Variants in SLC9C1 observed in about 807,000 individuals in gnomAD.
The protein encoded by SLC9C1 is solute carrier family 9 member C1.
In SLC9C1, 97 loss-of-function variants were observed where a neutral mutation model predicts 140.9. The observed-to-expected ratio is 0.69, with a 90% CI of 0.58 to 0.82. The LOEUF (loss-of-function observed/expected upper bound fraction) is 0.82. Among genes scored for constraint, SLC9C1 ranks in the 40% least tolerant of loss-of-function variants. SLC9C1 has a pLI of 0.00. For missense variants in SLC9C1, 1,340 were observed against 1,389.3 expected (o/e 0.96, Z 0.56); for synonymous variants, 440 against 442.6 (o/e 0.99, Z 0.07).
intron 16 of SLC9C1, among the ~76,000 whole-genome samples, chr3:112,206,237 T>G (rs944509789): frequency 6.6e-6 from 1 of 151,672 alleles, no homozygotes; most frequent in African/African-American, 2.4e-5. Context: ...AGCCAATAGA[T>G]GCATGAAAAA....
At chr3:112,161,078 G>C (rs1433960524) in intron 26 of SLC9C1, among the ~76,000 whole-genome samples, 1 of 151,690 alleles carries the variant, frequency 6.6e-6, no homozygotes, top group Non-Finnish European at 1.5e-5. Flanking sequence ...CTTTTGAGAA[G>C]TGTCTGTTCA....
intron 25 of SLC9C1, 57 bp from the exon 26 acceptor site, chr3:112,167,404 T>G: frequency 1.3e-6 from 2 of 1,503,342 alleles, no homozygotes; most frequent in Non-Finnish European, 1.8e-6. Context: ...AATTAAAAAT[T>G]TACCTAGTAA....
chr3:112,190,438 G>A (rs956068005), intron 20 of SLC9C1, among the ~76,000 whole-genome samples: 2 of 152,228 alleles, frequency 1.3e-5, no homozygotes, highest in South Asian at 2.1e-4. Context: ...AGAGTTTTTA[G>A]CATGAATGGC....
At chr3:112,238,886 T>A (rs1401439093) in intron 12 of SLC9C1, among the ~76,000 whole-genome samples, 3 of 152,278 alleles carry the variant, frequency 2.0e-5, no homozygotes, top group African/African-American at 7.2e-5. Context: ...TGCCTCCCGG[T>A]TAGGCTATTC....
At chr3:112,189,625 G>C (rs916648992) in intron 20 of SLC9C1, among the ~76,000 whole-genome samples, 2 of 152,136 alleles carry the variant, frequency 1.3e-5, no homozygotes, top group Non-Finnish European at 2.9e-5. Context: ...ATACTGTTTT[G>C]GTTACTGTAG....
intron 3 of SLC9C1, 74 bp downstream of exon 3, chr3:112,280,609 A>G: frequency 2.2e-6 from 3 of 1,363,092 alleles, no homozygotes; most frequent in Non-Finnish European, 3.0e-6. Context: ...TAACTTTTGC[A>G]AATTTTAAAT....
intron 23 of SLC9C1, among the ~76,000 whole-genome samples, chr3:112,177,790 T>G (rs1030468811): frequency 4.8e-5 from 7 of 144,906 alleles, no homozygotes; most frequent in East Asian, 2.2e-4. Context: ...AGTTTTAGGG[T>G]TTTTTTTTTA....
chr3:112,223,755 A>G (rs1053567033), intron 13 of SLC9C1, among the ~76,000 whole-genome samples: 1 of 152,210 alleles, frequency 6.6e-6, no homozygotes, highest in African/African-American at 2.4e-5. Flanking sequence ...AAAGGTTCAG[A>G]TTAATTAATT....
At chr3:112,189,326 T>A (rs868638512) in intron 20 of SLC9C1, among the ~76,000 whole-genome samples, 4 of 152,202 alleles carry the variant, frequency 2.6e-5, no homozygotes, top group African/African-American at 9.6e-5. Context: ...CTTAATGGTA[T>A]TGCCTAGGTT....
intron 27 of SLC9C1, among the ~76,000 whole-genome samples, chr3:112,154,701 T>C (rs994048376): frequency 1.3e-5 from 2 of 152,176 alleles, no homozygotes; most frequent in African/African-American, 4.8e-5. Context: ...TGGAAAGGGC[T>C]TGGGTGTGCT....
chr3:112,268,383 A>C (rs2079980217), intron 7 of SLC9C1, among the ~76,000 whole-genome samples: 1 of 152,164 alleles, frequency 6.6e-6, no homozygotes, highest in African/African-American at 2.4e-5. Flanking sequence ...TTACTCTAGC[A>C]CTTCTGAAGA....
At chr3:112,285,340 G>A (rs1401917961) in intron 2 of SLC9C1, among the ~76,000 whole-genome samples, 1 of 152,108 alleles carries the variant, frequency 6.6e-6, no homozygotes, top group South Asian at 2.1e-4. Context: ...CCAGGCTCGA[G>A]CGATCCTCCC....
At chr3:112,213,533 C>T (rs1238879020) in intron 15 of SLC9C1, among the ~76,000 whole-genome samples, 1 of 151,700 alleles carries the variant, frequency 6.6e-6, no homozygotes, top group African/African-American at 2.4e-5. Flanking sequence ...AGATGGAAAG[C>T]AAAAAACAGC....
At chr3:112,263,291 A>G (rs1354565040) in intron 9 of SLC9C1, among the ~76,000 whole-genome samples, 193 bp from the exon 10 acceptor site, 2 of 151,932 alleles carry the variant, frequency 1.3e-5, no homozygotes, top group East Asian at 3.9e-4. Context: ...AGAGAATGGT[A>G]TTATTCTTTC....
chr3:112,150,841 T>TATATATA (rs1491261631), intron 28 of SLC9C1, among the ~76,000 whole-genome samples: 368 of 34,540 alleles, frequency 0.011, 4 homozygotes, highest in African/African-American at 0.06. Flanking sequence ...TATATATATA[T>TATATATA]TTTTTTTTTT....
chr3:112,193,129 G>T (rs1445766687), intron 20 of SLC9C1, among the ~76,000 whole-genome samples: 1 of 152,190 alleles, frequency 6.6e-6, no homozygotes, highest in Non-Finnish European at 1.5e-5. Flanking sequence ...GTGTTTCAGT[G>T]GCCTAAGCTA....
In SLC9C1 at chr3:112,274,945, T is replaced by G; in HGVS notation, c.565A>C (p.Ile189Leu). Residue 189 changes from isoleucine to leucine, a missense_variant, in exon 6 of 29, where the codon ATT becomes CTT. By Grantham distance (5) the Ile-to-Leu change is conservative. Coordinates refer to ENST00000305815, the MANE Select transcript of SLC9C1 (RefSeq NM_183061.3). ...TGTAGTCTTTGGTCAAAATCCATAA[T>G]ACTAGTAAATGTAATTAATGATATA... ...SVISLITFTS[I>L]MDFDQRLQSK... 1.9e-6 allele frequency: 3 copies of G among 1,574,622 alleles called. No homozygotes were observed. Among genetic ancestry groups the G allele is most frequent in the Non-Finnish European group, 2.6e-6 (3 of 1,167,704 alleles).
intron 20 of SLC9C1, among the ~76,000 whole-genome samples, chr3:112,190,928 AAC>A (rs56930611): frequency 0.29 from 40,127 of 138,566 alleles, 5,773 homozygotes; most frequent in Non-Finnish European, 0.35. Flanking sequence ...ACTTTTTTTA[AAC>A]ACACACACAC....
intron 25 of SLC9C1, among the ~76,000 whole-genome samples, chr3:112,167,679 A>G (rs1271079905): frequency 1.3e-5 from 2 of 151,976 alleles, no homozygotes; most frequent in African/African-American, 2.4e-5. Flanking sequence ...ATTTCAAAAT[A>G]TTCTTTTCAT....
Sources: gnomAD v4.1 joint callset for allele counts (sites outside exome capture counted in the v4.1 genomes callset) on GRCh38, gnomAD v4.1.1 for gene constraint, MANE v1.5 for transcripts, NCBI Gene and HGNC (gene_info 2026-07-23, HGNC 2026-07-21) for gene names.